Variants in BMP1 observed in about 807,000 individuals in gnomAD.
BMP1 encodes the protein bone morphogenetic protein 1.
A neutral mutation model predicts 116.8 loss-of-function variants in BMP1; 63 were observed. The ratio of observed to expected loss-of-function variants is 0.54; its 90% CI spans 0.44 to 0.67. The LOEUF is 0.67. Ranked by LOEUF, BMP1 falls within the 30% of genes least tolerant of loss-of-function variation. The probability of loss-of-function intolerance (pLI) is 0.00; values close to 1 mark genes in which losing one functional copy is unlikely to be tolerated. For synonymous variants in BMP1, 536 were observed against 533.4 expected (o/e 1.00, Z -0.07); for missense variants, 1,183 against 1,358.9 (o/e 0.87, Z 2.04).
At chr8:22,202,013 C>T (rs971232766) in intron 16 of BMP1, 85 bp downstream of exon 16, 6 of 1,503,604 alleles carry the variant, frequency 4.0e-6, no homozygotes, top group Admixed American at 2.2e-5. Flanking sequence ...CATCAGCCTC[C>T]GTTTAGATTC....
At position 22,206,865 on chromosome 8, in the gene BMP1, C is replaced by T. The variant is rs1829368673; in HGVS notation, c.2245C>T (p.His749Tyr). 3 of 1,614,060 alleles carry T rather than the reference C, an allele frequency of 1.9e-6. No individual in the cohort carries two copies. Among genetic ancestry groups the T allele is most frequent in the Non-Finnish European group, 2.5e-6 (3 of 1,180,024 alleles). Residue 749 changes from histidine (H) to tyrosine (Y), a missense_variant, in exon 17 of 20, where the codon CAC becomes TAC. His to Tyr is a moderately conservative substitution (Grantham distance 83). Coordinates refer to ENST00000306385, the MANE Select transcript of BMP1 (RefSeq NM_006129.5). ...KHDCKEAGCD[H>Y]KVTSTSGTIT... ...TCGCTTCCCTGCAGCCGGCTGTGAC[C>T]ACAAGGTGACATCCACCAGTGGTAC...
At chr8:22,183,271 G>A (rs1828674505) in intron 8 of BMP1, among the ~76,000 whole-genome samples, 2 of 152,132 alleles carry the variant, frequency 1.3e-5, no homozygotes, top group Admixed American at 1.3e-4. Flanking sequence ...TTAAAAATTA[G>A]CTGGGTGTCT....
At chr8:22,190,222 G>A (rs1828892408) in intron 8 of BMP1, among the ~76,000 whole-genome samples, 1 of 152,192 alleles carries the variant, frequency 6.6e-6, no homozygotes, top group African/African-American at 2.4e-5. Context: ...ACCGCGCTTG[G>A]CCTGTAGTGT....
chr8:22,192,423 A>G, intron 9 of BMP1: 1 of 360,426 alleles, frequency 2.8e-6, no homozygotes. Flanking sequence ...CTACGGGTGC[A>G]AGGAGTCATC....
intron 5 of BMP1, chr8:22,177,539 C>T (rs1243222118): frequency 1.4e-6 from 1 of 727,266 alleles, no homozygotes; most frequent in Admixed American, 1.7e-5. Flanking sequence ...CTCTGTCCCT[C>T]CCTTCCCGCC....
At position 22,177,967 on chromosome 8, in the gene BMP1, G is replaced by C; in HGVS notation, c.836+10G>C. 6.3e-7 allele frequency: 1 copy of C among 1,598,150 alleles called. No homozygotes were observed. Among genetic ancestry groups the C allele is most frequent in the Non-Finnish European group, 8.6e-7 (1 of 1,167,710 alleles). Reference sequence around the variant, plus strand: ...GGAACACATTCTCCAGGTGGGAGACGGGATTGGGGCTGGGCCTCTGCTCGG... The same window carrying C: ...GGAACACATTCTCCAGGTGGGAGACCGGATTGGGGCTGGGCCTCTGCTCGG... On this transcript the variant is annotated intron_variant, in intron 6 of 19. Coordinates refer to ENST00000306385, the MANE Select transcript of BMP1 (RefSeq NM_006129.5).
At chr8:22,200,078 G>A (rs553755203) in intron 15 of BMP1, among the ~76,000 whole-genome samples, 8 of 152,150 alleles carry the variant, frequency 5.3e-5, no homozygotes, top group South Asian at 2.1e-4. Flanking sequence ...GGAATTCTGG[G>A]GGTCCACTGG....
In BMP1 at chr8:22,179,785, G is replaced by C. The variant is rs1828559396; in HGVS notation, c.917G>C (p.Ser306Thr). The C allele has an allele frequency of 6.2e-7, 1 of 1,614,150 alleles. No homozygotes were observed. Among genetic ancestry groups the C allele is most frequent in the South Asian group, 1.1e-5 (1 of 91,090 alleles). ...CCCATTGGCCAAAGGACACGGCTCA[G>C]CAAGGGGGACATTGCCCAAGCCCGC... is the stretch of plus-strand genomic sequence containing the variant. ...KPPIGQRTRL[S>T]KGDIAQARKL... is the part of the protein sequence containing the mutation. Residue 306 changes from serine (S) to threonine (T), a missense_variant, in exon 7 of 20, where the codon AGC becomes ACC. By Grantham distance (58) the Ser-to-Thr change is moderately conservative. This residue lies in a region of BMP1 where 956 missense variants were observed against 1,135.2 expected (regional missense o/e 0.84). Coordinates refer to ENST00000306385, the MANE Select transcript of BMP1 (RefSeq NM_006129.5). The surrounding 1 kb of genome is among the most constrained non-coding windows in gnomAD (Gnocchi z 4.6).
chr8:22,184,051 T>G (rs1828699759), intron 8 of BMP1, among the ~76,000 whole-genome samples: 1 of 152,222 alleles, frequency 6.6e-6, no homozygotes, highest in Non-Finnish European at 1.5e-5. Flanking sequence ...TTCAATACTA[T>G]GTGTGTTCTA....
chr8:22,193,125 AG>A lies in BMP1; in HGVS notation c.1181-931del, dbSNP rs546597759. Among the ~76,000 whole-genome samples, 47 of 152,346 alleles carry A rather than the reference AG, an allele frequency of 3.1e-4. No homozygotes were observed. The South Asian group carries it at 7.5e-3, about 24-fold the overall frequency. On this transcript the variant is annotated intron_variant, in intron 9 of 19. Transcript: ENST00000306385. ...AATGTTGGGAAACACCGGCCTTATTAGGAACACACAACTCATTCCTAGTTGA... is the reference window on the plus strand; with the variant it reads ...AATGTTGGGAAACACCGGCCTTATTAGAACACACAACTCATTCCTAGTTGA...
rs137858961 is a variant in BMP1, at chr8:22,195,340, T to C, written c.1640-122T>C. On this transcript the variant is annotated intron_variant, in intron 12 of 19. Transcript: ENST00000306385. ...GTCCATGTGCTCTGAAGGAAGGCTC[T>C]GTGGGGTTCCAGCCATCGGGGAGCT... The C allele has an allele frequency of 6.7e-5, 86 of 1,277,666 alleles. 1 individual carries two copies. The East Asian group carries it at 2.1e-3, about 32-fold the overall frequency. The allele number at this position is 1,277,666 out of a possible 1,614,324, so 79.1% of individuals were successfully genotyped here.
At chr8:22,172,501 A>G (rs1828308697) in intron 1 of BMP1, among the ~76,000 whole-genome samples, 1 of 151,406 alleles carries the variant, frequency 6.6e-6, no homozygotes, top group African/African-American at 2.4e-5. Flanking sequence ...GAATTACTTG[A>G]GAACTGTTAA....
In BMP1 at chr8:22,179,681, C is replaced by A. The variant is rs1368546590; in HGVS notation, c.837-24C>A. The A allele has an allele frequency of 6.2e-7, 1 of 1,613,182 alleles. No individual in the cohort carries two copies. Among genetic ancestry groups the A allele is most frequent in the South Asian group, 1.1e-5 (1 of 90,916 alleles). ...GCCCACTGTCCATGAGACGCTCACC[C>A]TTACTTTTCTCCCTCTTCTTCAGGG... On this transcript the variant is annotated intron_variant, in intron 6 of 19. Coordinates refer to ENST00000306385, the MANE Select transcript of BMP1 (RefSeq NM_006129.5). This position sits in a 1 kb window ranked among gnomAD's most constrained non-coding sequence, Gnocchi z 4.6.
In BMP1 at chr8:22,195,490, C is replaced by T. The variant is rs752676983; in HGVS notation, c.1668C>T (p.Arg556=). Reference sequence around the variant, plus strand: ...TGGACGAGTGCTCTCGGCCCAACCGCGGGGGCTGTGAGCAGCGGTGCCTCA... The same window carrying T: ...TGGACGAGTGCTCTCGGCCCAACCGTGGGGGCTGTGAGCAGCGGTGCCTCA... ...KEVDECSRPN[R]GGCEQRCLNT... The change falls in exon 13 of 20, where the codon CGC becomes CGT. Residue 556 remains arginine (R), a synonymous_variant. Transcript: ENST00000306385. The T allele has an allele frequency of 2.2e-5, 35 of 1,611,664 alleles. 1 individual carries two copies. In the Middle Eastern group the frequency reaches 2.7e-3, roughly 124 times the overall value.
In BMP1 at chr8:22,180,301, T is replaced by TGG. The variant is rs1238313350; in HGVS notation, c.962-65_962-64dup. 3 of 1,310,416 alleles carry TGG rather than the reference T, an allele frequency of 2.3e-6. No homozygotes were observed. The African/African-American group carries it at 4.4e-5, about 19-fold the overall frequency. 81.2% of individuals were successfully genotyped at this position (1,310,416 alleles called of 1,614,324 possible). A position where few individuals can be genotyped will look rare whatever the true frequency, so the allele number is the denominator to read the frequency against. ...CCCAGAGGATGCCAAGGTTCAGGGG[T>TGG]GGGTGAGCCAGAAGATGGGGGGATT... is the stretch of plus-strand genomic sequence containing the variant. On this transcript the variant is annotated intron_variant, in intron 7 of 19. Coordinates refer to ENST00000306385, the MANE Select transcript of BMP1 (RefSeq NM_006129.5).
Position 22,176,253 on chromosome 8 carries a change from C to T in BMP1, c.373C>T (p.Arg125Ter). The change falls in exon 3 of 20, where the codon CGA becomes TGA. Residue 125 changes from arginine to a stop codon, truncating the protein, a stop_gained. Transcript: ENST00000306385. LOFTEE classifies it high-confidence loss of function. ...RSRSRRAATSRPERVWPDGVI... is the reference protein window; with the variant it reads ...RSRSRRAATS ...CCGTAGCCGGCGGGCGGCGACGTCC[C>T]GACCAGAGCGTGTGTGGCCCGATGG... 6.2e-7 allele frequency: 1 copy of T among 1,613,612 alleles called. No individual in the cohort carries two copies.
intron 6 of BMP1, among the ~76,000 whole-genome samples, chr8:22,178,402 G>A (rs925615925): frequency 4.6e-5 from 7 of 152,148 alleles, no homozygotes; most frequent in South Asian, 4.1e-4. Flanking sequence ...GAATCGTCCC[G>A]TCTCAGCCTA....
intron 5 of BMP1, chr8:22,177,536 C>G (rs1828482648): frequency 1.4e-6 from 1 of 724,964 alleles, no homozygotes; most frequent in Non-Finnish European, 2.6e-6. Flanking sequence ...TGTCTCTGTC[C>G]CTCCCTTCCC....
intron 16 of BMP1, among the ~76,000 whole-genome samples, chr8:22,206,634 G>A (rs1035145118): frequency 6.6e-6 from 1 of 152,160 alleles, no homozygotes; most frequent in African/African-American, 2.4e-5. Context: ...GTGCTGCCAT[G>A]TGAGGCCTCA....
Sources: gnomAD v4.1 joint callset for allele counts (sites outside exome capture counted in the v4.1 genomes callset) on GRCh38, gnomAD v4.1.1 for gene constraint, gnomAD v4.1.1 regional missense constraint, Gnocchi (gnomAD v3.1) non-coding constraint, MANE v1.5 for transcripts, NCBI Gene and HGNC (gene_info 2026-07-23, HGNC 2026-07-21) for gene names.